Variants in RPS4Y1 observed in about 807,000 individuals in gnomAD.
RPS4Y1 encodes small ribosomal subunit protein eS4, Y isoform 1.
For missense variants in RPS4Y1, 30 were observed against 60.9 expected (o/e 0.49, Z 1.69); for synonymous variants, 23 against 20.8 (o/e 1.10, Z -0.28).
chrY:2,854,650 T>C lies in RPS4Y1; in HGVS notation c.411T>C (p.Pro137=). The C allele has an allele frequency of 2.5e-6, 1 of 395,820 alleles. No individual in the cohort carries two copies. Among genetic ancestry groups the C allele is most frequent in the Non-Finnish European group, 3.6e-6 (1 of 280,759 alleles). ...TTACTGTGGGAGTGAAGGGAATCCC[T>C]CACCTGGTGACTCATGATGCTCGAA... The part of the protein sequence containing the change: ...RKITVGVKGI[P]HLVTHDARTI... The change falls in exon 5 of 7, where the codon CCT becomes CCC. Residue 137 remains proline, a synonymous_variant. Coordinates refer to ENST00000250784, the MANE Select transcript of RPS4Y1 (RefSeq NM_001008.4).
intron 5 of RPS4Y1, among the ~76,000 whole-genome samples, chrY:2,862,419 T>C (rs753116953): frequency 7.7e-4 from 26 of 33,723 alleles, no homozygotes; most frequent in African/African-American, 3.0e-3. Context: ...TCTATTTTTC[T>C]GATTCTCTCT....
rs1019956709 is a variant in RPS4Y1, at chrY:2,859,234, T to A, written c.532+4463T>A. On this transcript the variant is annotated intron_variant, in intron 5 of 6. Transcript: ENST00000250784. ...TGGCTGGTTTTATTCATTTAGCTAG[T>A]CTGTGTCCTTAGATTGGGGTGAGGA... Among the ~76,000 whole-genome samples, 6 of 33,878 alleles carry A rather than the reference T, an allele frequency of 1.8e-4. No individual in the cohort carries two copies. In the East Asian group the frequency reaches 4.6e-3, roughly 26 times the overall value. 90.9% of individuals were successfully genotyped at this position (33,878 alleles called of 37,273 possible). A position where few individuals can be genotyped will look rare whatever the true frequency, so the allele number is the denominator to read the frequency against.
At chrY:2,860,954 C>T in intron 5 of RPS4Y1, among the ~76,000 whole-genome samples, 1 of 32,975 alleles carries the variant, frequency 3.0e-5, no homozygotes, top group Non-Finnish European at 7.5e-5. Context: ...CCCCCAAATC[C>T]TGTTCTCATT....
chrY:2,859,719 G>C, intron 5 of RPS4Y1, among the ~76,000 whole-genome samples: 2 of 32,829 alleles, frequency 6.1e-5, no homozygotes, highest in Non-Finnish European at 1.5e-4. Flanking sequence ...TGTGATCTAG[G>C]ATTCTCTATT....
chrY:2,841,852 C>A, intron 1 of RPS4Y1: 1 of 320,207 alleles, frequency 3.1e-6, no homozygotes, highest in East Asian at 1.0e-4. Context: ...TGACGCAGCC[C>A]GGCAGTGGCT....
chrY:2,853,614 C>G, intron 4 of RPS4Y1, among the ~76,000 whole-genome samples: 1 of 33,375 alleles, frequency 3.0e-5, no homozygotes, highest in African/African-American at 1.2e-4. Context: ...TTGGATAACT[C>G]TTGGGCTGAT....
In RPS4Y1 at chrY:2,845,660, G is replaced by C; in HGVS notation, c.277G>C (p.Glu93Gln). ...PAGFMDVISI[E>Q]KTGEHFRLVY... The stretch of plus-strand genomic sequence containing the variant: ...TTTGTGATCAGATGTCATCAGCATC[G>C]AGAAGACAGGTGAACATTTCCGCCT... Residue 93 changes from glutamate to glutamine, a missense_variant, in exon 4 of 7, where the codon GAG becomes CAG. Coordinates refer to ENST00000250784, the MANE Select transcript of RPS4Y1 (RefSeq NM_001008.4). 5.1e-6 allele frequency: 2 copies of C among 392,217 alleles called. No homozygotes were observed. Among genetic ancestry groups the C allele is most frequent in the African/African-American group, 1.3e-4 (2 of 15,564 alleles).
At chrY:2,849,202 T>C (rs2051154610) in intron 4 of RPS4Y1, among the ~76,000 whole-genome samples, 3 of 33,713 alleles carry the variant, frequency 8.9e-5, no homozygotes, top group Non-Finnish European at 2.2e-4. Flanking sequence ...CTAAGCATTT[T>C]GCTTAGATAT....
intron 5 of RPS4Y1, among the ~76,000 whole-genome samples, chrY:2,860,001 A>G (rs112519343): frequency 5.2e-3 from 173 of 33,086 alleles, no homozygotes; most frequent in African/African-American, 0.02. Context: ...CGCCCTACAA[A>G]TGAGCATGAC....
intron 1 of RPS4Y1, 88 bp from the exon 2 acceptor site, chrY:2,842,077 A>G: frequency 3.1e-6 from 1 of 322,856 alleles, no homozygotes; most frequent in East Asian, 9.6e-5. Context: ...TGAGTCAGGT[A>G]TTACCCGTTA....
Position 2,865,256 on chromosome Y carries a change from C to T in RPS4Y1, c.690+11C>T. On this transcript the variant is annotated intron_variant, in intron 6 of 6. Coordinates refer to ENST00000250784, the MANE Select transcript of RPS4Y1 (RefSeq NM_001008.4). ...TTTGTCATTGGCAATGTAAGACTTA[C>T]ACTCTCTTTACTTCTTTCTAAGAAG... 5.1e-6 allele frequency: 2 copies of T among 392,472 alleles called. No individual in the cohort carries two copies. Among genetic ancestry groups the T allele is most frequent in the Non-Finnish European group, 7.2e-6 (2 of 277,738 alleles).
At chrY:2,861,359 T>C in intron 5 of RPS4Y1, among the ~76,000 whole-genome samples, 1 of 32,937 alleles carries the variant, frequency 3.0e-5, no homozygotes, top group Non-Finnish European at 7.4e-5. Context: ...CTTATTTTTC[T>C]AAAGAAAAAC....
At chrY:2,855,504 G>T (rs2051159297) in intron 5 of RPS4Y1, among the ~76,000 whole-genome samples, 1 of 33,690 alleles carries the variant, frequency 3.0e-5, no homozygotes, top group Non-Finnish European at 7.4e-5. Flanking sequence ...TTGCCTTGGT[G>T]TTTGAACCTA....
chrY:2,851,874 A>G (rs939223211), intron 4 of RPS4Y1, among the ~76,000 whole-genome samples: 3 of 33,281 alleles, frequency 9.0e-5, no homozygotes, highest in Admixed American at 5.4e-4. Flanking sequence ...GTCTTCTCTT[A>G]TGGGGATGTT....
chrY:2,862,324 A>G, intron 5 of RPS4Y1, among the ~76,000 whole-genome samples: 1 of 33,077 alleles, frequency 3.0e-5, no homozygotes, highest in South Asian at 6.8e-4. Context: ...AGAGCTTTTC[A>G]CAGTAGACCT....
intron 5 of RPS4Y1, among the ~76,000 whole-genome samples, chrY:2,861,473 G>A: frequency 3.1e-5 from 1 of 32,004 alleles, no homozygotes; most frequent in Non-Finnish European, 7.6e-5. Flanking sequence ...GGGCTTGCAT[G>A]TGTACTTTCT....
intron 4 of RPS4Y1, among the ~76,000 whole-genome samples, chrY:2,851,865 T>A: frequency 3.0e-5 from 1 of 33,479 alleles, no homozygotes; most frequent in Admixed American, 2.7e-4. Flanking sequence ...ATTGGATCTG[T>A]CTTCTCTTAT....
intron 5 of RPS4Y1, among the ~76,000 whole-genome samples, chrY:2,856,905 G>T (rs2051160353): frequency 6.1e-5 from 2 of 33,052 alleles, no homozygotes; most frequent in Non-Finnish European, 1.5e-4. Flanking sequence ...TAATTTTTTT[G>T]CTTATTTGTT....
chrY:2,864,314 T>TA (rs2051165526), intron 5 of RPS4Y1, among the ~76,000 whole-genome samples: 1 of 33,309 alleles, frequency 3.0e-5, no homozygotes, highest in Non-Finnish European at 7.4e-5. Flanking sequence ...TTTGTTTTGT[T>TA]AGTATTAAGA....
Sources: allele counts gnomAD v4.1 joint callset (sites outside exome capture counted in the v4.1 genomes callset), GRCh38; gene constraint gnomAD v4.1.1; transcripts MANE v1.5; gene names NCBI Gene and HGNC (gene_info 2026-07-23, HGNC 2026-07-21).